Variants in SATL1 observed in about 807,000 individuals in gnomAD.
The protein encoded by SATL1 is spermidine/spermine N1-acetyl transferase like 1.
A neutral mutation model predicts 51.8 loss-of-function variants in SATL1; 47 were observed. The observed-to-expected ratio is 0.91, with a 90% confidence interval of 0.72 to 1.16. The LOEUF is 1.16. SATL1 is among the 50% of genes most tolerant of loss of function. The pLI is 0.00. For missense variants in SATL1, 520 were observed against 526.4 expected (o/e 0.99, Z 0.12); for synonymous variants, 176 against 182.4 (o/e 0.97, Z 0.28).
intron 2 of SATL1, among the ~76,000 whole-genome samples, chrX:85,218,694 C>T (rs1166382830): frequency 9.0e-6 from 1 of 111,323 alleles, no homozygotes; most frequent in Non-Finnish European, 1.9e-5. Context: ...CACAATTGTG[C>T]AATACTAGAG....
intron 4 of SATL1, among the ~76,000 whole-genome samples, chrX:85,097,394 G>A (rs1602824531): frequency 4.4e-5 from 5 of 112,538 alleles, no homozygotes; most frequent in African/African-American, 1.3e-4. Flanking sequence ...TTGGAGTGCA[G>A]TGGCATGATC....
chrX:85,239,944 GA>G (rs201218370), intron 1 of SATL1, among the ~76,000 whole-genome samples: 14,810 of 105,336 alleles, frequency 0.14, 754 homozygotes, highest in South Asian at 0.21. Flanking sequence ...ACACATGCAA[GA>G]AAAAAAAAAT....
chrX:85,187,088 T>G (rs1318851623), intron 2 of SATL1, among the ~76,000 whole-genome samples: 1 of 112,226 alleles, frequency 8.9e-6, no homozygotes, highest in African/African-American at 3.2e-5. Flanking sequence ...CCTAAATATT[T>G]TTTGTAACTA....
At chrX:85,129,241 A>T (rs920711546) in intron 2 of SATL1, among the ~76,000 whole-genome samples, 1 of 111,874 alleles carries the variant, frequency 8.9e-6, no homozygotes, top group Admixed American at 9.5e-5. Flanking sequence ...CTTGGGCAGA[A>T]TGGCCATTTT....
chrX:85,114,201 A>G (rs750451482), intron 2 of SATL1, among the ~76,000 whole-genome samples: 2 of 112,272 alleles, frequency 1.8e-5, no homozygotes, highest in South Asian at 3.7e-4. Context: ...CCAGGTAGAG[A>G]GGAACCAATA....
At chrX:85,175,310 T>C (rs898221607) in intron 2 of SATL1, among the ~76,000 whole-genome samples, 4 of 111,324 alleles carry the variant, frequency 3.6e-5, no homozygotes, top group African/African-American at 1.3e-4. Context: ...AAATCAAATA[T>C]TTACCTATAA....
intron 4 of SATL1, among the ~76,000 whole-genome samples, chrX:85,096,565 G>A (rs954179269): frequency 1.8e-5 from 2 of 110,898 alleles, no homozygotes; most frequent in African/African-American, 6.6e-5. Context: ...ACTCTAACTA[G>A]GATACACCCA....
chrX:85,096,077 A>G (rs2147680879), intron 4 of SATL1, among the ~76,000 whole-genome samples: 1 of 111,559 alleles, frequency 9.0e-6, no homozygotes, highest in Non-Finnish European at 1.9e-5. Flanking sequence ...AACAAAAAAC[A>G]TAGCTGATGA....
intron 2 of SATL1, among the ~76,000 whole-genome samples, chrX:85,179,033 T>C (rs1441074322): frequency 8.9e-6 from 1 of 112,337 alleles, no homozygotes; most frequent in African/African-American, 3.2e-5. Context: ...AAATGTTCTA[T>C]AAATCTGTGC....
At chrX:85,118,866 C>T (rs762031268) in intron 2 of SATL1, among the ~76,000 whole-genome samples, 17 of 110,796 alleles carry the variant, frequency 1.5e-4, no homozygotes, top group African/African-American at 4.3e-4. Context: ...ATGTTGTACA[C>T]GATAAATATA....
chrX:85,153,738 G>A (rs1247837205), intron 2 of SATL1: 2 of 111,814 alleles, frequency 1.8e-5, no homozygotes, highest in African/African-American at 6.5e-5. Flanking sequence ...AATTTCAGAA[G>A]TCAGTGGAAA....
chrX:85,201,590 A>AT (rs1927688849), intron 2 of SATL1, among the ~76,000 whole-genome samples: 1 of 111,097 alleles, frequency 9.0e-6, no homozygotes, highest in South Asian at 3.8e-4. Flanking sequence ...CCCAAGAGTT[A>AT]TTTTTTCTGC....
intron 1 of SATL1, among the ~76,000 whole-genome samples, chrX:85,224,736 T>C (rs1928241146): frequency 1.0e-5 from 1 of 95,448 alleles, no homozygotes; most frequent in African/African-American, 4.1e-5. Flanking sequence ...GTCCTTCCAC[T>C]ATATTCAGCA....
intron 2 of SATL1, among the ~76,000 whole-genome samples, chrX:85,124,993 G>A (rs952021001): frequency 9.1e-5 from 10 of 109,826 alleles, no homozygotes; most frequent in African/African-American, 2.7e-4. Context: ...GCTTCCAGAG[G>A]TGAAAGGAAC....
intron 4 of SATL1, among the ~76,000 whole-genome samples, chrX:85,098,219 CACTT>C (rs755829657): frequency 9.0e-4 from 100 of 111,654 alleles, no homozygotes; most frequent in African/African-American, 2.8e-3. Flanking sequence ...AAGTCAAAAA[CACTT>C]ACAAGAAACA....
intron 2 of SATL1, among the ~76,000 whole-genome samples, chrX:85,199,628 A>G (rs953374908): frequency 1.8e-5 from 2 of 112,218 alleles, no homozygotes; most frequent in African/African-American, 6.5e-5. Flanking sequence ...TTGCAACAAC[A>G]TGCATGGAAC....
chrX:85,126,807 G>A (rs892945045), intron 2 of SATL1, among the ~76,000 whole-genome samples: 2 of 109,418 alleles, frequency 1.8e-5, no homozygotes, highest in Admixed American at 2.0e-4. Context: ...AGTACCAAAC[G>A]ATGGCCTTTA....
At position 85,164,049 on chromosome X, in the gene SATL1, G is replaced by C. The variant is rs755131605; in HGVS notation, c.-312-54769C>G. Among the ~76,000 whole-genome samples, 190 of 111,867 alleles carry C rather than the reference G, an allele frequency of 1.7e-3. 1 individual carries two copies. Among genetic ancestry groups the C allele is most frequent in the African/African-American group, 5.9e-3 (183 of 30,807 alleles). On this transcript the variant is annotated intron_variant, in intron 2 of 7. Transcript: ENST00000644105. ...CTTTTTGAACTGTGGTTGTTTTAAAGTTTGTTTTGTCTGATATAAGAATCC... is the reference window on the plus strand; with the variant it reads ...CTTTTTGAACTGTGGTTGTTTTAAACTTTGTTTTGTCTGATATAAGAATCC...
chrX:85,165,694 GA>G (rs759513070), intron 2 of SATL1, among the ~76,000 whole-genome samples: 1 of 111,584 alleles, frequency 9.0e-6, no homozygotes, highest in South Asian at 3.7e-4. Flanking sequence ...GGAAATATCT[GA>G]AACTCAATGG....
Sources: allele counts gnomAD v4.1 joint callset (sites outside exome capture counted in the v4.1 genomes callset), GRCh38; gene constraint gnomAD v4.1.1; transcripts MANE v1.5; gene names NCBI Gene and HGNC (gene_info 2026-07-23, HGNC 2026-07-21).